MYRFL: variants seen among roughly 807,000 people sequenced by gnomAD.
MYRFL encodes the protein myelin regulatory factor like.
A neutral mutation model predicts 109.4 loss-of-function variants in MYRFL; 88 were observed. The observed-to-expected ratio is 0.80, with a 90% CI of 0.68 to 0.96. MYRFL has a LOEUF of 0.96. Among genes scored for constraint, MYRFL ranks in the 40% least tolerant of loss-of-function variants. MYRFL has a pLI of 0.00. For synonymous variants in MYRFL, 324 were observed against 320.9 expected (o/e 1.01, Z -0.10); for missense variants, 957 against 954.9 (o/e 1.00, Z -0.03).
intron 15 of MYRFL, among the ~76,000 whole-genome samples, chr12:69,931,108 C>G (rs1955259251): frequency 1.3e-5 from 2 of 152,134 alleles, no homozygotes; most frequent in Non-Finnish European, 2.9e-5. Context: ...CTTGAAGACT[C>G]AACTCTAAGT....
chr12:69,886,153 A>G (rs893115566), intron 5 of MYRFL, among the ~76,000 whole-genome samples: 3 of 152,166 alleles, frequency 2.0e-5, no homozygotes, highest in African/African-American at 7.2e-5. Context: ...AAAACAGGCA[A>G]AAAACAAAAT....
intron 21 of MYRFL, 125 bp downstream of exon 21, chr12:69,953,011 A>C: frequency 1.6e-6 from 1 of 615,874 alleles, no homozygotes; most frequent in Non-Finnish European, 2.8e-6. Flanking sequence ...TTGCTCCTTA[A>C]GTGAAAACAT....
intron 2 of MYRFL, among the ~76,000 whole-genome samples, chr12:69,857,088 G>A (rs956700504): frequency 1.3e-5 from 2 of 151,696 alleles, no homozygotes; most frequent in Admixed American, 6.6e-5. Context: ...TTCTTTGTAT[G>A]TGGATGTCCA....
At chr12:69,871,372 G>A in intron 2 of MYRFL, among the ~76,000 whole-genome samples, 1 of 151,610 alleles carries the variant, frequency 6.6e-6, no homozygotes, top group Non-Finnish European at 1.5e-5. Context: ...TGGAACTACA[G>A]GCACCTACCA....
At chr12:69,945,098 G>A (rs1345384291) in intron 19 of MYRFL, among the ~76,000 whole-genome samples, 1 of 152,008 alleles carries the variant, frequency 6.6e-6, no homozygotes, top group Non-Finnish European at 1.5e-5. Flanking sequence ...TAAGCTAAGT[G>A]TTATTACAAG....
At chr12:69,953,977 T>A (rs191663657) in intron 21 of MYRFL, among the ~76,000 whole-genome samples, 21 of 152,264 alleles carry the variant, frequency 1.4e-4, no homozygotes, top group Admixed American at 5.2e-4. Flanking sequence ...AAAAATAACA[T>A]GTATGGTGCT....
chr12:69,870,848 C>G (rs144355412), intron 2 of MYRFL, among the ~76,000 whole-genome samples: 1 of 152,188 alleles, frequency 6.6e-6, no homozygotes, highest in African/African-American at 2.4e-5. Flanking sequence ...TGTCACTCAA[C>G]GCAGGGACTT....
chr12:69,935,918 T>C (rs963446148), intron 16 of MYRFL, 195 bp from the exon 17 acceptor site: 3 of 628,590 alleles, frequency 4.8e-6, no homozygotes, highest in Non-Finnish European at 7.9e-6. Context: ...GAGCTCTTTT[T>C]CTCTCCAGGG....
chr12:69,825,625 C>G, intron 1 of MYRFL, 62 bp downstream of exon 1: 1 of 688,302 alleles, frequency 1.5e-6, no homozygotes. Context: ...ATCCCTGTTT[C>G]ACCTTTTCCG....
chr12:69,930,638 GT>G (rs1490186426), intron 15 of MYRFL, among the ~76,000 whole-genome samples: 1 of 151,932 alleles, frequency 6.6e-6, no homozygotes, highest in African/African-American at 2.4e-5. Context: ...GGACAACACA[GT>G]GAGACCCCAT....
At chr12:69,846,861 T>G (rs61927960) in intron 1 of MYRFL, among the ~76,000 whole-genome samples, 2 of 151,840 alleles carry the variant, frequency 1.3e-5, no homozygotes, top group Non-Finnish European at 2.9e-5. Context: ...CAGCACCTGT[T>G]GTTTCCTGAC....
intron 13 of MYRFL, among the ~76,000 whole-genome samples, chr12:69,919,421 A>G (rs1452568404): frequency 6.6e-6 from 1 of 152,186 alleles, no homozygotes; most frequent in Admixed American, 6.5e-5. Flanking sequence ...AATTTTAAAC[A>G]CTTTTATGAA....
At chr12:69,923,110 T>C (rs1954962323) in intron 13 of MYRFL, among the ~76,000 whole-genome samples, 1 of 152,220 alleles carries the variant, frequency 6.6e-6, no homozygotes, top group African/African-American at 2.4e-5. Flanking sequence ...TTAAAGCACA[T>C]TTGATTCTTT....
chr12:69,922,298 C>G (rs1412088282), intron 13 of MYRFL, among the ~76,000 whole-genome samples: 1 of 152,100 alleles, frequency 6.6e-6, no homozygotes. Context: ...GATTTAGAAT[C>G]ATAAAATGCT....
At chr12:69,865,667 G>T (rs1884976198) in intron 2 of MYRFL, among the ~76,000 whole-genome samples, 1 of 152,128 alleles carries the variant, frequency 6.6e-6, no homozygotes, top group African/African-American at 2.4e-5. Flanking sequence ...TTGGGGTATT[G>T]TGTTCTGAGC....
chr12:69,929,949 T>C (rs1011763860), intron 15 of MYRFL, among the ~76,000 whole-genome samples: 1 of 152,246 alleles, frequency 6.6e-6, no homozygotes, highest in Non-Finnish European at 1.5e-5. Flanking sequence ...GCATAATAGG[T>C]TGTTATTAAT....
intron 21 of MYRFL, among the ~76,000 whole-genome samples, chr12:69,954,411 A>C (rs1956052788): frequency 1.3e-5 from 2 of 152,144 alleles, no homozygotes; most frequent in Admixed American, 6.5e-5. Flanking sequence ...ACATTGATTC[A>C]CTGAAATAAC....
At chr12:69,933,045 T>C (rs1271676796) in intron 16 of MYRFL, among the ~76,000 whole-genome samples, 1 of 152,238 alleles carries the variant, frequency 6.6e-6, no homozygotes, top group African/African-American at 2.4e-5. Context: ...GTAACTCTTC[T>C]GGATTCTTCA....
chr12:69,889,937 A>G (rs938052345), intron 6 of MYRFL, among the ~76,000 whole-genome samples: 4 of 152,174 alleles, frequency 2.6e-5, no homozygotes, highest in Non-Finnish European at 4.4e-5. Context: ...TACACAAAGC[A>G]TTGCTATTAG....
Sources: gnomAD v4.1 joint callset for allele counts (sites outside exome capture counted in the v4.1 genomes callset) on GRCh38, gnomAD v4.1.1 for gene constraint, MANE v1.5 for transcripts, NCBI Gene and HGNC (gene_info 2026-07-23, HGNC 2026-07-21) for gene names.